The following KCNK10 variants were observed in gnomAD, a reference collection of about 807,000 sequenced individuals.
KCNK10 encodes the protein potassium two pore domain channel subfamily K member 10.
A neutral mutation model predicts 47.7 loss-of-function variants in KCNK10; 25 were observed. The ratio of observed to expected loss-of-function variants is 0.52; its 90% CI spans 0.38 to 0.73. KCNK10 has a LOEUF of 0.73. Among genes scored for constraint, KCNK10 ranks in the 30% least tolerant of loss-of-function variants. KCNK10 has a pLI of 0.00. For missense variants in KCNK10, 563 were observed against 714.5 expected, an observed-to-expected ratio of 0.79 and a Z score of 2.42; for synonymous variants, 303 against 285.6, an observed-to-expected ratio of 1.06 and a Z score of -0.61.
chr14:88,315,067 C>A (rs1888401307), intron 1 of KCNK10, among the ~76,000 whole-genome samples: 1 of 152,202 alleles, frequency 6.6e-6, no homozygotes, highest in East Asian at 1.9e-4. Flanking sequence ...GAAACCAGGT[C>A]TCCTATCCTA....
chr14:88,192,108 ACT>A, intron 5 of KCNK10, 114 bp downstream of exon 5: 1 of 950,720 alleles, frequency 1.1e-6, no homozygotes, highest in East Asian at 2.5e-5. Context: ...CAGTAGTGAC[ACT>A]GAGTCATCTT....
chr14:88,232,150 A>C (rs1886175966), intron 3 of KCNK10, among the ~76,000 whole-genome samples: 1 of 152,208 alleles, frequency 6.6e-6, no homozygotes, highest in Admixed American at 6.5e-5. Flanking sequence ...TTATTACTAA[A>C]ATAGAAACAG....
chr14:88,238,309 A>G (rs1886353755), intron 3 of KCNK10, among the ~76,000 whole-genome samples: 1 of 152,222 alleles, frequency 6.6e-6, no homozygotes. Context: ...CATATCAGCA[A>G]TAAGGCTGGT....
At chr14:88,279,203 C>T (rs1887592836) in intron 1 of KCNK10, among the ~76,000 whole-genome samples, 2 of 152,288 alleles carry the variant, frequency 1.3e-5, no homozygotes, top group South Asian at 4.1e-4. Flanking sequence ...GGCTCAGCAT[C>T]CTATGCTCTA....
At chr14:88,230,167 C>T (rs545913819) in intron 3 of KCNK10, among the ~76,000 whole-genome samples, 1 of 152,248 alleles carries the variant, frequency 6.6e-6, no homozygotes, top group African/African-American at 2.4e-5. Flanking sequence ...CTAAGCACCC[C>T]GTTTGCCTTG....
In KCNK10 at chr14:88,185,982, G is replaced by C; in HGVS notation, c.1185C>G (p.Asp395Glu). The C allele has an allele frequency of 6.2e-7, 1 of 1,613,728 alleles. No individual in the cohort carries two copies. Among genetic ancestry groups the C allele is most frequent in the South Asian group, 1.1e-5 (1 of 91,060 alleles). ...CAGAGCGCTTCTCGGGGGACAGCATGTCCAGTGAGTGGGCCCGCTGGTCCA... is the reference window on the plus strand; with the variant it reads ...CAGAGCGCTTCTCGGGGGACAGCATCTCCAGTGAGTGGGCCCGCTGGTCCA... The part of the protein sequence containing the change: ...LGLDQRAHSL[D>E]MLSPEKRSVF... Residue 395 changes from aspartate to glutamate, a missense_variant, in exon 7 of 7, where the codon GAC (aspartate) becomes GAG (glutamate). Coordinates refer to ENST00000319231, the MANE Select transcript of KCNK10 (RefSeq NM_138317.3). The surrounding 1 kb of genome is among the most constrained non-coding windows in gnomAD (Gnocchi z 4.3).
At chr14:88,277,577 G>A (rs146918606) in intron 1 of KCNK10, among the ~76,000 whole-genome samples, 1,293 of 70,816 alleles carry the variant, frequency 0.018, 16 homozygotes, top group Middle Eastern at 0.079. Context: ...AGACTGGGAA[G>A]TGTTTTTGAA....
At chr14:88,292,695 C>T (rs1227905429) in intron 1 of KCNK10, among the ~76,000 whole-genome samples, 4 of 152,136 alleles carry the variant, frequency 2.6e-5, no homozygotes, top group South Asian at 2.1e-4. Flanking sequence ...TGCAGTGGCA[C>T]GATCTCTGCT....
chr14:88,234,456 G>T (rs765928082), intron 3 of KCNK10, among the ~76,000 whole-genome samples: 1 of 152,188 alleles, frequency 6.6e-6, no homozygotes, highest in Non-Finnish European at 1.5e-5. Flanking sequence ...CTGAAGGCTA[G>T]ATCTTAAAAC....
At chr14:88,295,874 C>T (rs1182845884) in intron 1 of KCNK10, among the ~76,000 whole-genome samples, 1 of 152,100 alleles carries the variant, frequency 6.6e-6, no homozygotes, top group African/African-American at 2.4e-5. Flanking sequence ...AATATCCTAT[C>T]ACTGAGTTCC....
At chr14:88,229,440 A>T (rs1295193190) in intron 3 of KCNK10, among the ~76,000 whole-genome samples, 1 of 152,114 alleles carries the variant, frequency 6.6e-6, no homozygotes, top group Non-Finnish European at 1.5e-5. Context: ...GGGAGAAAAA[A>T]ATCAATGGAC....
chr14:88,273,878 C>T (rs1426848922), intron 1 of KCNK10, among the ~76,000 whole-genome samples: 1 of 152,198 alleles, frequency 6.6e-6, no homozygotes, highest in African/African-American at 2.4e-5. Context: ...TTATCCTCCT[C>T]TTGGGATTAA....
chr14:88,305,331 C>G (rs1272755664), intron 1 of KCNK10, among the ~76,000 whole-genome samples: 2 of 152,134 alleles, frequency 1.3e-5, no homozygotes, highest in Non-Finnish European at 2.9e-5. Flanking sequence ...TTATAAAACA[C>G]AAGAATTACC....
In KCNK10 at chr14:88,267,940, C is replaced by G. The variant is rs950310534; in HGVS notation, c.53-4389G>C. ...AACACTCTGCTTACATCACTACATT[C>G]GGTCCTCACTACAAGGAATTATCAC... On this transcript the variant is annotated intron_variant, in intron 1 of 6. Coordinates refer to ENST00000319231, the MANE Select transcript of KCNK10 (RefSeq NM_138317.3). 2.0e-5 allele frequency among the ~76,000 whole-genome samples: 3 copies of G among 152,152 alleles called. No homozygotes were observed. The East Asian group carries it at 5.8e-4, about 29-fold the overall frequency.
intron 4 of KCNK10, among the ~76,000 whole-genome samples, chr14:88,220,184 G>A (rs941213632): frequency 3.9e-5 from 6 of 151,960 alleles, no homozygotes; most frequent in African/African-American, 1.4e-4. Flanking sequence ...TTGGGAGGCC[G>A]AGGCGGGCGG....
At chr14:88,203,755 G>C (rs1885175488) in intron 4 of KCNK10, among the ~76,000 whole-genome samples, 1 of 152,170 alleles carries the variant, frequency 6.6e-6, no homozygotes, top group East Asian at 1.9e-4. Context: ...CCTGCAGAAG[G>C]TGGGTAGCAA....
intron 4 of KCNK10, among the ~76,000 whole-genome samples, chr14:88,220,341 C>T (rs936685875): frequency 1.4e-4 from 19 of 132,380 alleles, no homozygotes; most frequent in Non-Finnish European, 2.3e-4. Flanking sequence ...GGCGTGAACC[C>T]GGGAGGCGGA....
intron 4 of KCNK10, among the ~76,000 whole-genome samples, chr14:88,200,957 CCA>C (rs371828577): frequency 5.9e-5 from 9 of 152,328 alleles, no homozygotes; most frequent in African/African-American, 2.2e-4. Context: ...TGTTTGCCTA[CCA>C]CAGTCTCCAT....
intron 4 of KCNK10, among the ~76,000 whole-genome samples, chr14:88,221,975 C>T (rs1885824289): frequency 6.6e-6 from 1 of 152,206 alleles, no homozygotes. Context: ...ATGATTGCAA[C>T]TACACAACTG....
Sources: gnomAD v4.1 joint callset for allele counts (sites outside exome capture counted in the v4.1 genomes callset) on GRCh38, gnomAD v4.1.1 for gene constraint, Gnocchi (gnomAD v3.1) non-coding constraint, MANE v1.5 for transcripts, NCBI Gene and HGNC (gene_info 2026-07-23, HGNC 2026-07-21) for gene names.